Variants in COMTD1 observed in about 807,000 individuals in gnomAD.
COMTD1 encodes catechol O-methyltransferase domain-containing protein 1.
Under a neutral mutation model 33.6 loss-of-function variants are expected in COMTD1, and 35 were observed. The ratio of observed to expected loss-of-function variants is 1.04; its 90% CI spans 0.80 to 1.38. COMTD1 has a LOEUF of 1.38. Among genes scored for constraint, COMTD1 ranks in the 40% most tolerant of loss-of-function variants. The pLI is 0.00. For synonymous variants in COMTD1, 160 were observed against 176.8 expected, an observed-to-expected ratio of 0.91 and a Z score of 0.75; for missense variants, 370 against 363.4, an observed-to-expected ratio of 1.02 and a Z score of -0.15.
Position 75,235,716 on chromosome 10 carries a change from C to A in COMTD1, c.122G>T (p.Arg41Leu). Residue 41 changes from arginine (R) to leucine (L), a missense_variant, in exon 2 of 7, where the codon CGG becomes CTG. Arg to Leu is a moderately radical substitution (Grantham distance 102, BLOSUM62 -2). Transcript: ENST00000372538. Reference protein sequence around the residue: ...LGRRCPPWRGRREQCLLPPED... With the variant: ...LGRRCPPWRGLREQCLLPPED... ...GGGGGGAAGCAGGCACTGCTCTCGCCGGCCTCGCCATGGGGGGCACCGCCT... is the reference window on the plus strand; with the variant it reads ...GGGGGGAAGCAGGCACTGCTCTCGCAGGCCTCGCCATGGGGGGCACCGCCT... 1 of 1,600,334 alleles carries A rather than the reference C, an allele frequency of 6.2e-7. No individual in the cohort carries two copies. Among genetic ancestry groups the A allele is most frequent in the African/African-American group, 1.3e-5 (1 of 74,688 alleles).
chr10:75,235,691 G>T lies in COMTD1; in HGVS notation c.147C>A (p.Pro49=). The change falls in exon 2 of 7, where the codon CCC becomes CCA. Residue 49 remains proline, a synonymous_variant. Coordinates refer to ENST00000372538, the MANE Select transcript of COMTD1 (RefSeq NM_144589.4). ...RGRREQCLLP[P]EDSRLWQYLL... is the part of the protein sequence containing the mutation. ...GATACTGCCACAGGCGGCTGTCCTC[G>T]GGGGGAAGCAGGCACTGCTCTCGCC... 6.3e-7 allele frequency: 1 copy of T among 1,597,218 alleles called. No individual in the cohort carries two copies.
intron 6 of COMTD1, 102 bp downstream of exon 6, chr10:75,234,508 G>T: frequency 6.9e-7 from 1 of 1,450,834 alleles, no homozygotes; most frequent in Middle Eastern, 1.8e-4. Context: ...TAGCCTACGT[G>T]ACTGGACTGG....
chr10:75,234,393 G>C, intron 6 of COMTD1, 168 bp from the exon 7 acceptor site: 1 of 1,012,148 alleles, frequency 9.9e-7, no homozygotes, highest in African/African-American at 1.6e-5. Flanking sequence ...TGGGCGGGAG[G>C]CGGGGCCTCG....
Position 75,235,703 on chromosome 10 carries a change from G to A in COMTD1, c.135C>T (p.Cys45=), listed in dbSNP as rs1842182207. 1.3e-6 allele frequency: 2 copies of A among 1,598,806 alleles called. No individual in the cohort carries two copies. The highest frequency in any genetic ancestry group is 1.7e-6 in the Non-Finnish European group (2 of 1,174,250). Residue 45 remains cysteine (C), a synonymous_variant, in exon 2 of 7, where the codon TGC becomes TGT. Coordinates refer to ENST00000372538, the MANE Select transcript of COMTD1 (RefSeq NM_144589.4). ...CPPWRGRREQ[C]LLPPEDSRLW... is the part of the protein sequence containing the mutation. Reference sequence around the variant, plus strand: ...GGCGGCTGTCCTCGGGGGGAAGCAGGCACTGCTCTCGCCGGCCTCGCCATG... The same window carrying A: ...GGCGGCTGTCCTCGGGGGGAAGCAGACACTGCTCTCGCCGGCCTCGCCATG...
intron 6 of COMTD1, 90 bp from the exon 7 acceptor site, chr10:75,234,315 C>T (rs1842154271): frequency 1.5e-6 from 2 of 1,362,650 alleles, no homozygotes; most frequent in Admixed American, 2.2e-5. Flanking sequence ...GAGGGAGGTG[C>T]CCGGGCGGGA....
intron 6 of COMTD1, 83 bp from the exon 7 acceptor site, chr10:75,234,308 G>T: frequency 7.0e-7 from 1 of 1,419,336 alleles, no homozygotes; most frequent in Non-Finnish European, 9.5e-7. Flanking sequence ...GGACTGGGAG[G>T]GAGGTGCCCG....
chr10:75,235,515 G>A, intron 2 of COMTD1, 101 bp downstream of exon 2: 1 of 1,404,328 alleles, frequency 7.1e-7, no homozygotes, highest in South Asian at 1.5e-5. Flanking sequence ...CAGGGAAGCC[G>A]GAAGCCCAGG....
rs146747014 is a variant in COMTD1, at chr10:75,234,705, C to T, written c.541G>A (p.Val181Met). The change falls in exon 6 of 7, where the codon GTG becomes ATG. Residue 181 changes from valine to methionine, a missense_variant. Coordinates refer to ENST00000372538, the MANE Select transcript of COMTD1 (RefSeq NM_144589.4). ...TCCTTGTCCGCATCCACCACGGCCA[C>T]GTCGAAGGTGCCGGCCTCGCCCGCC... is the stretch of plus-strand genomic sequence containing the variant. ...LAAGEAGTFD[V>M]AVVDADKENC... 1.8e-4 allele frequency: 285 copies of T among 1,593,118 alleles called. No homozygotes were observed. In the African/African-American group the frequency reaches 3.1e-3, roughly 17 times the overall value.
rs765871821 is a variant in COMTD1 at position 75,235,834 on chromosome 10, C to T, written c.94+1G>A. ...GCCCGCCGGGACCAGGTCCTGCTCA[C>T]CCAGGAAGAGGCCAGTGGCGAAGGC... On this transcript the variant is annotated splice_donor_variant, in intron 1 of 6. Transcript: ENST00000372538. LOFTEE classifies it high-confidence loss of function. 40 of 1,526,526 alleles carry T rather than the reference C, an allele frequency of 2.6e-5. 1 individual carries two copies. In the South Asian group the frequency reaches 4.3e-4, roughly 16 times the overall value. 94.6% of individuals were successfully genotyped at this position (1,526,526 alleles called of 1,614,324 possible).
At chr10:75,235,451 G>T in intron 2 of COMTD1, 79 bp from the exon 3 acceptor site, 4 of 1,350,248 alleles carry the variant, frequency 3.0e-6, no homozygotes, top group Non-Finnish European at 3.9e-6. Context: ...CAGGGGCGCG[G>T]TTCTGGGCGT....
chr10:75,234,589 C>A, intron 6 of COMTD1, 21 bp downstream of exon 6: 1 of 1,546,736 alleles, frequency 6.5e-7, no homozygotes, highest in Non-Finnish European at 8.7e-7. Flanking sequence ...GCTTTCTCCT[C>A]CCCCGCAGTG....
In COMTD1 at chr10:75,235,183, G is replaced by A. The variant is rs1842172399; in HGVS notation, c.329-5C>T. 1 of 1,418,226 alleles carries A rather than the reference G, an allele frequency of 7.1e-7. No individual in the cohort carries two copies. The highest frequency in any genetic ancestry group is 9.2e-7 in the Non-Finnish European group (1 of 1,091,362). 87.9% of individuals were successfully genotyped at this position (1,418,226 alleles called of 1,614,324 possible). A position where few individuals can be genotyped will look rare whatever the true frequency, so the allele number is the denominator to read the frequency against. On this transcript the variant is annotated splice_region_variant and splice_polypyrimidine_tract_variant and intron_variant, in intron 3 of 6. Coordinates refer to ENST00000372538, the MANE Select transcript of COMTD1 (RefSeq NM_144589.4). ...CGGAGTAGCCCGTGAAGGTGCCTGG[G>A]ACCAGGACACAGACGGGCTCAGCCC...
At chr10:75,234,437 T>G in intron 6 of COMTD1, 173 bp downstream of exon 6, 1 of 1,157,838 alleles carries the variant, frequency 8.6e-7, no homozygotes. Context: ...TGACCAGAGC[T>G]GGAGACAGAA....
In COMTD1 at chr10:75,235,040, A is replaced by T. The variant is rs1165218237; in HGVS notation, c.447+20T>A. The T allele has an allele frequency of 6.8e-7, 1 of 1,461,476 alleles. No homozygotes were observed. The highest frequency in any genetic ancestry group is 3.0e-5 in the Admixed American group (1 of 32,968). 90.5% of individuals were successfully genotyped at this position (1,461,476 alleles called of 1,614,324 possible). On this transcript the variant is annotated intron_variant, in intron 4 of 6. Coordinates refer to ENST00000372538, the MANE Select transcript of COMTD1 (RefSeq NM_144589.4). ...GTTGCGCCCCCGCCTGGGGCTGCAG[A>T]GCTAGGCGCGGGCGCTCACCTGCCT...
At chr10:75,234,771 GCTGAGTCCGCGGCCCCGGCGGCC>G (rs1564719961) in intron 5 of COMTD1, 28 bp from the exon 6 acceptor site, 1 of 1,556,582 alleles carries the variant, frequency 6.4e-7, no homozygotes, top group Admixed American at 1.9e-5. Flanking sequence ...GGCAGGTGCG[GCTGAGTCCGCGGCCCCGGCGGCC>G]CTGAGGCCCC....
Position 75,234,066 on chromosome 10 carries a change from G to T in COMTD1, c.*7C>A. 6.2e-7 allele frequency: 1 copy of T among 1,613,934 alleles called. No homozygotes were observed. The highest frequency in any genetic ancestry group is 1.1e-5 in the South Asian group (1 of 91,090). On this transcript the variant is annotated 3_prime_UTR_variant, in exon 7 of 7. Transcript: ENST00000372538. ...CCTCCCTCGAGCCCACTCACTAGGG[G>T]CCAGCCCTAGATCTTGAAGGCCAAG...
In COMTD1 at chr10:75,234,708, C is replaced by T; in HGVS notation, c.538G>A (p.Asp180Asn). The change falls in exon 6 of 7, where the codon GAC (aspartate) becomes AAC (asparagine). Residue 180 changes from aspartate to asparagine, a missense_variant. Asp to Asn is a conservative substitution (Grantham distance 23). Coordinates refer to ENST00000372538, the MANE Select transcript of COMTD1 (RefSeq NM_144589.4). ...TTGTCCGCATCCACCACGGCCACGT[C>T]GAAGGTGCCGGCCTCGCCCGCCGCC... ...LLAAGEAGTF[D>N]VAVVDADKEN... The T allele has an allele frequency of 6.3e-7, 1 of 1,593,070 alleles. No individual in the cohort carries two copies. Among genetic ancestry groups the T allele is most frequent in the Non-Finnish European group, 8.5e-7 (1 of 1,171,358 alleles).
At position 75,235,319 on chromosome 10, in the gene COMTD1, C is replaced by A; in HGVS notation, c.276G>T (p.Gln92His). 6.3e-7 allele frequency: 1 copy of A among 1,594,736 alleles called. No individual in the cohort carries two copies. Among genetic ancestry groups the A allele is most frequent in the Non-Finnish European group, 8.5e-7 (1 of 1,173,386 alleles). ...TGAGCCGCGCCAGGTTGGCCAAGAGCTGGGCCTGCTCGCAGGTCATCATAG... is the reference window on the plus strand; with the variant it reads ...TGAGCCGCGCCAGGTTGGCCAAGAGATGGGCCTGCTCGCAGGTCATCATAG... ...GDSMMTCEQA[Q>H]LLANLARLIQ... The change falls in exon 3 of 7, where the codon CAG becomes CAT. Residue 92 changes from glutamine (Q) to histidine (H), a missense_variant. Physicochemically the swap from Gln to His is conservative, Grantham distance 24 (BLOSUM62 0). Coordinates refer to ENST00000372538, the MANE Select transcript of COMTD1 (RefSeq NM_144589.4).
chr10:75,234,655 G>T lies in COMTD1; in HGVS notation c.591C>A (p.Arg197=), dbSNP rs771174640. The change falls in exon 6 of 7, where the codon CGC becomes CGA. Residue 197 remains arginine (R), a synonymous_variant. Transcript: ENST00000372538. ...DKENCSAYYE[R]CLQLLRPGGI... ...CTCCGGGTCGCAGCAGCTGCAGGCA[G>T]CGCTCGTAGTAGGCGGAGCAGTTCT... 1 of 1,572,654 alleles carries T rather than the reference G, an allele frequency of 6.4e-7. No homozygotes were observed. The highest frequency in any genetic ancestry group is 8.6e-7 in the Non-Finnish European group (1 of 1,159,470).
Sources: allele counts gnomAD v4.1 joint callset, GRCh38; gene constraint gnomAD v4.1.1; transcripts MANE v1.5; gene names NCBI Gene and HGNC (gene_info 2026-07-23, HGNC 2026-07-21).